OSBPL10: variants seen among roughly 807,000 people sequenced by gnomAD.
OSBPL10 encodes oxysterol binding protein like 10.
Under a neutral mutation model 81.7 loss-of-function variants are expected in OSBPL10, and 49 were observed. That is an observed-to-expected ratio of 0.60 (90% confidence interval 0.48 to 0.76). The LOEUF (loss-of-function observed/expected upper bound fraction) is 0.76, where lower values mean the gene tolerates loss of function less well. Ranked by LOEUF, OSBPL10 falls within the 30% of genes least tolerant of loss-of-function variation. The probability of loss-of-function intolerance (pLI) is 0.00; values close to 1 mark genes in which losing one functional copy is unlikely to be tolerated. For synonymous variants in OSBPL10, 419 were observed against 383.6 expected, an observed-to-expected ratio of 1.09 and a Z score of -1.08; for missense variants, 923 against 987.8, an observed-to-expected ratio of 0.93 and a Z score of 0.88.
chr3:31,961,217 A>C (rs1425330108), intron 1 of OSBPL10, among the ~76,000 whole-genome samples: 1 of 152,046 alleles, frequency 6.6e-6, no homozygotes, highest in Non-Finnish European at 1.5e-5. Flanking sequence ...CACCTAAGCA[A>C]ACACGAGCCC....
At chr3:31,921,338 T>C (rs1404823551) in intron 1 of OSBPL10, among the ~76,000 whole-genome samples, 1 of 152,056 alleles carries the variant, frequency 6.6e-6, no homozygotes, top group East Asian at 1.9e-4. Flanking sequence ...CATTCTCCAA[T>C]AAAAGGAGTC....
intron 3 of OSBPL10, among the ~76,000 whole-genome samples, chr3:31,855,630 C>T (rs1243190944): frequency 6.6e-6 from 1 of 152,114 alleles, no homozygotes. Context: ...CACAGACATG[C>T]AGTGTTTGTT....
chr3:31,939,727 C>A (rs1697484271), intron 1 of OSBPL10, among the ~76,000 whole-genome samples: 5 of 152,154 alleles, frequency 3.3e-5, no homozygotes, highest in Admixed American at 3.3e-4. Flanking sequence ...TGCACACACT[C>A]CTGGGTTTCT....
At chr3:32,009,238 C>T (rs1471960243) in intron 2 of OSBPL10, among the ~76,000 whole-genome samples, 1 of 152,196 alleles carries the variant, frequency 6.6e-6, no homozygotes, top group Non-Finnish European at 1.5e-5. Context: ...CTGTGAAGGT[C>T]TGTAGTTGTC....
intron 4 of OSBPL10, among the ~76,000 whole-genome samples, chr3:31,767,940 A>T (rs1252401143): frequency 6.6e-6 from 1 of 152,194 alleles, no homozygotes; most frequent in East Asian, 1.9e-4. Context: ...AAGTAAAAGC[A>T]AGTTTATTAA....
chr3:31,954,358 C>T (rs1697952080), intron 1 of OSBPL10, among the ~76,000 whole-genome samples: 1 of 152,192 alleles, frequency 6.6e-6, no homozygotes, highest in Non-Finnish European at 1.5e-5. Flanking sequence ...AAGCAACAAT[C>T]CCAAGTTCCA....
chr3:31,835,645 G>GA (rs779135145), intron 3 of OSBPL10, among the ~76,000 whole-genome samples: 8 of 151,928 alleles, frequency 5.3e-5, no homozygotes, highest in Non-Finnish European at 1.0e-4. Flanking sequence ...CTATATTTCA[G>GA]AAAAAAATAG....
At chr3:31,814,742 G>A (rs1699791659) in intron 4 of OSBPL10, among the ~76,000 whole-genome samples, 3 of 152,200 alleles carry the variant, frequency 2.0e-5, no homozygotes, top group African/African-American at 7.2e-5. Context: ...AAGCCACCCA[G>A]CTGTAGTACT....
At chr3:31,666,020 T>A (rs1330018535) in intron 10 of OSBPL10, among the ~76,000 whole-genome samples, 1 of 151,148 alleles carries the variant, frequency 6.6e-6, no homozygotes, top group African/African-American at 2.4e-5. Flanking sequence ...GAGAATGGAG[T>A]GGAGGAGGCT....
At chr3:31,836,833 T>C (rs371700926) in intron 3 of OSBPL10, among the ~76,000 whole-genome samples, 26 of 152,334 alleles carry the variant, frequency 1.7e-4, no homozygotes, top group African/African-American at 5.8e-4. Flanking sequence ...AGACTCCTTT[T>C]GGATGCTTTA....
At chr3:31,870,024 T>C (rs951761773) in intron 3 of OSBPL10, among the ~76,000 whole-genome samples, 1 of 152,240 alleles carries the variant, frequency 6.6e-6, no homozygotes, top group Non-Finnish European at 1.5e-5. Context: ...TTGGTGGCAC[T>C]TGAGGAGCCC....
At chr3:31,759,864 A>G (rs2125718437) in intron 4 of OSBPL10, among the ~76,000 whole-genome samples, 1 of 152,146 alleles carries the variant, frequency 6.6e-6, no homozygotes, top group South Asian at 2.1e-4. Flanking sequence ...GGTTCAAGTA[A>G]TTCTCGTGCC....
Position 31,792,857 on chromosome 3 carries a change from ACT to A in OSBPL10, c.729+37181_729+37182del, listed in dbSNP as rs1491173006. On this transcript the variant is annotated intron_variant, in intron 4 of 11. Coordinates refer to ENST00000396556, the MANE Select transcript of OSBPL10 (RefSeq NM_017784.5). Reference sequence around the variant, plus strand: ...GTTTTGCACTCTCAGCTATCTAGGCACTCTGTGTGTGTGTGTGTGTGTGTGTG... The same window carrying A: ...GTTTTGCACTCTCAGCTATCTAGGCACTGTGTGTGTGTGTGTGTGTGTGTG... Among the ~76,000 whole-genome samples, 222 of 74,546 alleles carry A rather than the reference ACT, an allele frequency of 3.0e-3. 1 individual carries two copies. Among genetic ancestry groups the A allele is most frequent in the Middle Eastern group, 0.024 (3 of 126 alleles). 48.9% of individuals were successfully genotyped at this position (74,546 alleles called of 152,430 possible). A position where few individuals can be genotyped will look rare whatever the true frequency, so the allele number is the denominator to read the frequency against.
At chr3:31,990,623 G>C (rs1699015996) in intron 2 of OSBPL10, 1 of 1,614,154 alleles carries the variant, frequency 6.2e-7, no homozygotes, top group African/African-American at 1.3e-5. Context: ...TGTAATGAAT[G>C]TGGCAAGGTT....
intron 4 of OSBPL10, among the ~76,000 whole-genome samples, chr3:31,762,490 C>T (rs186164886): frequency 2.8e-4 from 43 of 151,878 alleles, no homozygotes; most frequent in Admixed American, 2.4e-3. Context: ...TGTTTTGTTT[C>T]GAGACAGGGT....
intron 3 of OSBPL10, among the ~76,000 whole-genome samples, chr3:31,854,542 A>G (rs1289501962): frequency 6.6e-6 from 1 of 152,240 alleles, no homozygotes; most frequent in African/African-American, 2.4e-5. Flanking sequence ...TGTTTTTAAA[A>G]GTGTTAGACT....
intron 1 of OSBPL10, among the ~76,000 whole-genome samples, chr3:31,894,171 A>C (rs1245949284): frequency 6.6e-6 from 1 of 152,196 alleles, no homozygotes; most frequent in Non-Finnish European, 1.5e-5. Context: ...AATGTCACTT[A>C]GCCGTTGGAT....
Position 32,068,111 on chromosome 3 carries a change from T to C in OSBPL10, n.185+9285A>G, listed in dbSNP as rs539725687. Among the ~76,000 whole-genome samples, 219 of 152,256 alleles carry C rather than the reference T, an allele frequency of 1.4e-3. 1 individual carries two copies. Among genetic ancestry groups the C allele is most frequent in the Middle Eastern group, 3.4e-3 (1 of 294 alleles). ...CACTCTCTTCTCCAGCCTCTCTCACTCCCTTCAATCTCTCTTTCCTTCCAA... is the reference window on the plus strand; with the variant it reads ...CACTCTCTTCTCCAGCCTCTCTCACCCCCTTCAATCTCTCTTTCCTTCCAA... On this transcript the variant is annotated intron_variant and non_coding_transcript_variant, in intron 1 of 3. Transcript: ENST00000479173.
intron 4 of OSBPL10, among the ~76,000 whole-genome samples, chr3:31,810,790 C>A (rs1408791119): frequency 2.0e-5 from 3 of 152,150 alleles, no homozygotes; most frequent in Non-Finnish European, 4.4e-5. Context: ...CACAGTGAGT[C>A]CACAGGGTGT....
Sources: allele counts gnomAD v4.1 joint callset (sites outside exome capture counted in the v4.1 genomes callset), GRCh38; gene constraint gnomAD v4.1.1; transcripts MANE v1.5; gene names NCBI Gene and HGNC (gene_info 2026-07-23, HGNC 2026-07-21).